The following NELL1 variants were observed in gnomAD, a reference collection of about 807,000 sequenced individuals.
NELL1 encodes the protein neural EGFL like 1.
Under a neutral mutation model 107.4 loss-of-function variants are expected in NELL1, and 76 were observed. That is an observed-to-expected ratio of 0.71 (90% CI 0.59 to 0.86). The LOEUF is 0.86. Among genes scored for constraint, NELL1 ranks in the 40% least tolerant of loss-of-function variants. The pLI is 0.00. For missense variants in NELL1, 1,024 were observed against 1,005.5 expected (o/e 1.02, Z -0.25); for synonymous variants, 353 against 341.2 (o/e 1.03, Z -0.38).
At chr11:21,424,321 G>C (rs1346205555) in intron 15 of NELL1, among the ~76,000 whole-genome samples, 5 of 152,054 alleles carry the variant, frequency 3.3e-5, no homozygotes, top group Non-Finnish European at 4.4e-5. Flanking sequence ...GATTATAGGA[G>C]AGTACTGTAT....
chr11:20,707,348 C>G (rs1439245823), intron 2 of NELL1, among the ~76,000 whole-genome samples: 2 of 145,162 alleles, frequency 1.4e-5, no homozygotes, highest in Non-Finnish European at 3.1e-5. Flanking sequence ...TACCAATCGT[C>G]TGAAGTCTTC....
At position 20,700,553 on chromosome 11, in the gene NELL1, C is replaced by T. The variant is rs992969905; in HGVS notation, c.184+22493C>T. ...ATTATACTTCTAGGATACATGTGCA[C>T]AACATGCAGGTTTGTTACATGTGTA... On this transcript the variant is annotated intron_variant, in intron 2 of 19. Coordinates refer to ENST00000357134, the MANE Select transcript of NELL1 (RefSeq NM_006157.5). 7.9e-5 allele frequency among the ~76,000 whole-genome samples: 12 copies of T among 152,018 alleles called. 1 individual carries two copies. The highest frequency in any genetic ancestry group is 1.5e-5 in the Non-Finnish European group (1 of 68,016).
intron 3 of NELL1, among the ~76,000 whole-genome samples, chr11:20,787,280 C>T (rs1856987273): frequency 6.6e-6 from 1 of 151,866 alleles, no homozygotes; most frequent in Non-Finnish European, 1.5e-5. Context: ...GGTTTCTACT[C>T]TAGTAGAGAA....
intron 2 of NELL1, among the ~76,000 whole-genome samples, chr11:20,776,263 C>T (rs1035281107): frequency 3.9e-5 from 6 of 151,984 alleles, no homozygotes; most frequent in Non-Finnish European, 5.9e-5. Context: ...CATGGCGAAA[C>T]CCCATCTTCT....
In NELL1 at chr11:20,885,527, A is replaced by G; in HGVS notation, c.590A>G (p.His197Arg). Residue 197 changes from histidine (H) to arginine (R), a missense_variant, in exon 5 of 20, where the codon CAT becomes CGT. Physicochemically the swap from His to Arg is conservative, Grantham distance 29 (BLOSUM62 0). Coordinates refer to ENST00000357134, the MANE Select transcript of NELL1 (RefSeq NM_006157.5). ...TGGCTTGGCCAGCGCAACCAAAAGC[A>G]TGGCTTATTCAAAGTAAGCACTAAC... is the stretch of plus-strand genomic sequence containing the variant. ...NLWLGQRNQKHGLFKGIIQDG... is the reference protein window; with the variant it reads ...NLWLGQRNQKRGLFKGIIQDG... The G allele has an allele frequency of 6.2e-7, 1 of 1,607,182 alleles. No individual in the cohort carries two copies. Among genetic ancestry groups the G allele is most frequent in the South Asian group, 1.1e-5 (1 of 90,944 alleles).
intron 9 of NELL1, among the ~76,000 whole-genome samples, chr11:20,929,602 C>T (rs1254316708): frequency 6.6e-6 from 1 of 151,998 alleles, no homozygotes. Context: ...ATAGTTTGAT[C>T]CCATGATGGA....
At chr11:21,320,788 C>T (rs1376967030) in intron 14 of NELL1, among the ~76,000 whole-genome samples, 3 of 152,174 alleles carry the variant, frequency 2.0e-5, no homozygotes, top group Non-Finnish European at 4.4e-5. Context: ...ATTCCACTTG[C>T]TGCTGTCCAG....
intron 12 of NELL1, among the ~76,000 whole-genome samples, chr11:21,039,213 T>C (rs192263389): frequency 7.6e-4 from 115 of 152,212 alleles, no homozygotes; most frequent in African/African-American, 2.7e-3. Flanking sequence ...GACAGAGTCT[T>C]GCTCTGCTGT....
chr11:20,684,712 C>T (rs998801786), intron 2 of NELL1, among the ~76,000 whole-genome samples: 1 of 151,944 alleles, frequency 6.6e-6, no homozygotes, highest in Admixed American at 6.6e-5. Flanking sequence ...GAGTTTTGTT[C>T]TAGTAACTGG....
intron 3 of NELL1, among the ~76,000 whole-genome samples, chr11:20,829,999 C>T (rs760243503): frequency 3.9e-5 from 6 of 151,972 alleles, no homozygotes; most frequent in Admixed American, 6.6e-5. Context: ...TTTGGCTGGG[C>T]GCAGTGGCTC....
intron 16 of NELL1, among the ~76,000 whole-genome samples, chr11:21,541,296 G>A (rs1358811289): frequency 1.3e-5 from 2 of 152,058 alleles, no homozygotes; most frequent in African/African-American, 4.8e-5. Context: ...CTAGACTCTG[G>A]AGCCTGCTCT....
intron 14 of NELL1, among the ~76,000 whole-genome samples, chr11:21,293,287 A>G (rs755734808): frequency 2.6e-5 from 4 of 152,216 alleles, no homozygotes; most frequent in Non-Finnish European, 5.9e-5. Flanking sequence ...ATATCAACAG[A>G]CACTTCTCAA....
intron 10 of NELL1, among the ~76,000 whole-genome samples, chr11:20,943,674 C>T (rs1404889731): frequency 1.3e-5 from 2 of 152,042 alleles, no homozygotes; most frequent in African/African-American, 2.4e-5. Flanking sequence ...ATGTGAAAAT[C>T]GAGGCACAGA....
rs1034638729 is a variant in NELL1 at position 21,100,956 on chromosome 11, A to G, written c.1301-12633A>G. ...TGCACCCAGTAACTTGTTATTTAAC[A>G]TTAGGTATATCTCCAAATGCTATCC... is the stretch of plus-strand genomic sequence containing the variant. On this transcript the variant is annotated intron_variant, in intron 12 of 19. Transcript: ENST00000357134. 9.9e-5 allele frequency among the ~76,000 whole-genome samples: 15 copies of G among 151,902 alleles called. 1 individual carries two copies. Among genetic ancestry groups the G allele is most frequent in the Non-Finnish European group, 1.8e-4 (12 of 68,022 alleles).
At chr11:21,048,824 C>A (rs1236484392) in intron 12 of NELL1, among the ~76,000 whole-genome samples, 1 of 152,128 alleles carries the variant, frequency 6.6e-6, no homozygotes, top group Non-Finnish European at 1.5e-5. Flanking sequence ...CCATGGCTTC[C>A]CTCCATGCTT....
chr11:20,685,795 G>A (rs1374098270), intron 2 of NELL1, among the ~76,000 whole-genome samples: 1 of 152,022 alleles, frequency 6.6e-6, no homozygotes, highest in African/African-American at 2.4e-5. Flanking sequence ...AAGTAGATTA[G>A]GATAGTGGAA....
intron 15 of NELL1, among the ~76,000 whole-genome samples, chr11:21,399,802 G>T (rs1852058517): frequency 6.6e-6 from 1 of 151,692 alleles, no homozygotes; most frequent in Admixed American, 6.6e-5. Context: ...TGAAAGCTAT[G>T]ATACCGATGA....
At position 21,150,337 on chromosome 11, in the gene NELL1, G is replaced by A. The variant is rs568048332; in HGVS notation, c.1426+36623G>A. 3.3e-5 allele frequency among the ~76,000 whole-genome samples: 5 copies of A among 152,276 alleles called. No homozygotes were observed. The South Asian group carries it at 1.0e-3, about 32-fold the overall frequency. ...AAAAGGGCTTCACAGACTGGCAGGG[G>A]GGCAGAGGGGCTTCAGGCTCTGACC... On this transcript the variant is annotated intron_variant, in intron 13 of 19. Coordinates refer to ENST00000357134, the MANE Select transcript of NELL1 (RefSeq NM_006157.5).
chr11:21,165,623 C>T (rs1265441663), intron 13 of NELL1, among the ~76,000 whole-genome samples: 1 of 149,368 alleles, frequency 6.7e-6, no homozygotes. Flanking sequence ...TCTTCACTCT[C>T]ATGTTTATTG....
Sources: allele counts gnomAD v4.1 joint callset (sites outside exome capture counted in the v4.1 genomes callset), GRCh38; gene constraint gnomAD v4.1.1; transcripts MANE v1.5; gene names NCBI Gene and HGNC (gene_info 2026-07-23, HGNC 2026-07-21).